Variants in APOB observed in about 807,000 individuals in gnomAD.
APOB encodes the protein apolipoprotein B-100.
In APOB, 153 loss-of-function variants were observed where a neutral mutation model predicts 314.1. The observed-to-expected ratio is 0.49, with a 90% confidence interval of 0.43 to 0.56. The LOEUF (loss-of-function observed/expected upper bound fraction) is 0.56. Among genes scored for constraint, APOB ranks in the 20% least tolerant of loss-of-function variants. APOB has a pLI of 0.00. For missense variants in APOB, 5,430 were observed against 5,350.7 expected, an observed-to-expected ratio of 1.01 and a Z score of -0.46; for synonymous variants, 2,087 against 2,036.4, an observed-to-expected ratio of 1.02 and a Z score of -0.67.
Position 21,007,468 on chromosome 2 carries a change from C to A in APOB, c.9400G>T (p.Glu3134Ter). 6.2e-7 allele frequency: 1 copy of A among 1,614,086 alleles called. No homozygotes were observed. The highest frequency in any genetic ancestry group is 8.5e-7 in the Non-Finnish European group (1 of 1,179,968). The change falls in exon 26 of 29, where the codon GAA becomes TAA. Residue 3134 changes from glutamate to a stop codon, truncating the protein, a stop_gained. Coordinates refer to ENST00000233242, the MANE Select transcript of APOB (RefSeq NM_000384.3). LOFTEE classifies it high-confidence loss of function. Reference sequence around the variant, plus strand: ...ATTATTGTGTAAGGTAGACGCATTTCAGGAATTGTTAAAGGAATGTTTAAG... The same window carrying A: ...ATTATTGTGTAAGGTAGACGCATTTAAGGAATTGTTAAAGGAATGTTTAAG... ...DFLNIPLTIPEMRLPYTIITT... is the reference protein window; with the variant it reads ...DFLNIPLTIP
chr2:21,027,306 ATTTT>A (rs71391771), intron 14 of APOB, among the ~76,000 whole-genome samples: 5 of 105,878 alleles, frequency 4.7e-5, no homozygotes, highest in Non-Finnish European at 5.6e-5. Flanking sequence ...TTGCATTTCA[ATTTT>A]TTTTTTTTTT....
intron 11 of APOB, 32 bp from the exon 12 acceptor site, chr2:21,029,817 A>G (rs542841901): frequency 1.9e-6 from 3 of 1,613,716 alleles, no homozygotes; most frequent in African/African-American, 2.7e-5. Flanking sequence ...AGAACCCATC[A>G]GGGTGCAGGA....
In APOB at chr2:21,016,661, T is replaced by C. The variant is rs779331945; in HGVS notation, c.3122-12A>G. On this transcript the variant is annotated splice_polypyrimidine_tract_variant and intron_variant, in intron 20 of 28. Coordinates refer to ENST00000233242, the MANE Select transcript of APOB (RefSeq NM_000384.3). ...AGTCTGCTTCGCACCTGGACGAGTG[T>C]ATAAGAGAATCAAGAGATGTGTGGT... is the stretch of plus-strand genomic sequence containing the variant. 10 of 1,547,752 alleles carry C rather than the reference T, an allele frequency of 6.5e-6. No homozygotes were observed. The highest frequency in any genetic ancestry group is 8.9e-6 in the Non-Finnish European group (10 of 1,119,490).
intron 18 of APOB, among the ~76,000 whole-genome samples, chr2:21,021,804 T>C (rs1663612571): frequency 6.6e-6 from 1 of 152,232 alleles, no homozygotes; most frequent in South Asian, 2.1e-4. Flanking sequence ...TAAAATTTCA[T>C]GGTACTCTAA....
At position 21,006,364 on chromosome 2, in the gene APOB, C is replaced by G. The variant is rs751352552; in HGVS notation, c.10504G>C (p.Gly3502Arg). The change falls in exon 26 of 29, where the codon GGT becomes CGT. Residue 3502 changes from glycine to arginine, a missense_variant. Transcript: ENST00000233242. ...GAATATTCCCGAGAAAGAACCGAAC[C>G]CTTGACATCTCCTTTGGTAGATGAC... is the stretch of plus-strand genomic sequence containing the variant. ...IESSTKGDVK[G>R]SVLSREYSGT... 6.2e-7 allele frequency: 1 copy of G among 1,613,808 alleles called. No individual in the cohort carries two copies. The highest frequency in any genetic ancestry group is 1.3e-5 in the African/African-American group (1 of 74,872).
chr2:21,034,986 C>T (rs1171210138), intron 7 of APOB, 85 bp from the exon 8 acceptor site: 1 of 801,178 alleles, frequency 1.2e-6, no homozygotes, highest in Non-Finnish European at 2.3e-6. Flanking sequence ...GTCTCTGCAT[C>T]TACCCAAGTC....
In APOB at chr2:21,037,155, T is replaced by A. The variant is rs370711366; in HGVS notation, c.638A>T (p.Asp213Val). The A allele has an allele frequency of 3.2e-5, 51 of 1,614,116 alleles. No homozygotes were observed. The highest frequency in any genetic ancestry group is 4.2e-5 in the Non-Finnish European group (49 of 1,180,046). Reference sequence around the variant, plus strand: ...GCCTGTGCGGATGGGCTTGAAGCGATCACACTGCCCCAGGTCTCTTTCAGT... The same window carrying A: ...GCCTGTGCGGATGGGCTTGAAGCGAACACACTGCCCCAGGTCTCTTTCAGT... Reference protein sequence around the residue: ...ISTERDLGQCDRFKPIRTGIS... With the variant: ...ISTERDLGQCVRFKPIRTGIS... Residue 213 changes from aspartate to valine, a missense_variant, in exon 6 of 29, where the codon GAT (aspartate) becomes GTT (valine). By Grantham distance (152) the Asp-to-Val change is radical. Around this residue, in one of 3 missense-constraint regions of APOB, gnomAD observed 2,085 missense variants for 2,079.7 expected, o/e 1.00. Coordinates refer to ENST00000233242, the MANE Select transcript of APOB (RefSeq NM_000384.3).
chr2:21,022,015 G>C (rs1663618443), intron 18 of APOB, among the ~76,000 whole-genome samples: 1 of 152,152 alleles, frequency 6.6e-6, no homozygotes, highest in Admixed American at 6.5e-5. Flanking sequence ...GAGTGCAGTG[G>C]TGCAAGCATG....
chr2:21,027,573 A>G (rs555261818), intron 14 of APOB, among the ~76,000 whole-genome samples: 1 of 152,272 alleles, frequency 6.6e-6, no homozygotes, highest in Admixed American at 6.5e-5. Flanking sequence ...TCGGCCTCCC[A>G]AAGTGCTGGG....
In APOB at chr2:21,007,791, T is replaced by A. The variant is rs770981667; in HGVS notation, c.9077A>T (p.Asn3026Ile). The stretch of plus-strand genomic sequence containing the variant: ...TTTCAAAGTTCCAATAACCTTTCCA[T>A]TTAAATGAGCATCATGCCTCCCAGT... The part of the protein sequence containing the change: ...EFTGRHDAHL[N>I]GKVIGTLKNS... Residue 3026 changes from asparagine to isoleucine, a missense_variant, in exon 26 of 29, where the codon AAT (asparagine) becomes ATT (isoleucine). Transcript: ENST00000233242. 2.7e-5 allele frequency: 43 copies of A among 1,613,978 alleles called. No homozygotes were observed. Among genetic ancestry groups the A allele is most frequent in the African/African-American group, 4.0e-5 (3 of 74,938 alleles).
At chr2:21,041,110 G>A (rs1664122639) in intron 3 of APOB, 27 bp from the exon 4 acceptor site, 1 of 1,606,280 alleles carries the variant, frequency 6.2e-7, no homozygotes, top group Non-Finnish European at 8.5e-7. Flanking sequence ...GCAGAGCATT[G>A]AGGTTGTCTA....
intron 3 of APOB, among the ~76,000 whole-genome samples, chr2:21,041,687 C>A (rs1287967571): frequency 6.6e-6 from 1 of 152,178 alleles, no homozygotes; most frequent in Admixed American, 6.5e-5. Context: ...GCTAATGTGA[C>A]AACGAATATG....
At position 21,011,139 on chromosome 2, in the gene APOB, T is replaced by C; in HGVS notation, c.5729A>G (p.His1910Arg). Residue 1910 changes from histidine to arginine, a missense_variant, in exon 26 of 29, where the codon CAT becomes CGT. By Grantham distance (29) the His-to-Arg change is conservative. Coordinates refer to ENST00000233242, the MANE Select transcript of APOB (RefSeq NM_000384.3). ...AGCGAGTTTCCCATTGCCATTTGTA[T>C]GTGCATCGATGGTCATGGTAAACGG... is the stretch of plus-strand genomic sequence containing the variant. ...MAPFTMTIDA[H>R]TNGNGKLALW... The C allele has an allele frequency of 6.2e-7, 1 of 1,614,234 alleles. No homozygotes were observed. The highest frequency in any genetic ancestry group is 8.5e-7 in the Non-Finnish European group (1 of 1,180,034).
At chr2:21,043,286 C>G (rs1208222367) in intron 2 of APOB, among the ~76,000 whole-genome samples, 1 of 152,068 alleles carries the variant, frequency 6.6e-6, no homozygotes, top group African/African-American at 2.4e-5. Flanking sequence ...TCCCTTCCCT[C>G]CCCCGCCCCC....
chr2:21,017,106 C>T lies in APOB; in HGVS notation c.3122-457G>A, dbSNP rs543910611. Among the ~76,000 whole-genome samples the T allele has an allele frequency of 1.3e-4, 20 of 151,936 alleles. No homozygotes were observed. The South Asian group carries it at 4.2e-3, about 32-fold the overall frequency. On this transcript the variant is annotated intron_variant, in intron 20 of 28. Transcript: ENST00000233242. ...AGAGAAACTCCAAGGAATCAATGTG[C>T]TTAAACAAAAACACAGTTCAGGATT...
rs771182405 is a variant in APOB at position 21,015,255 on chromosome 2, C to T, written c.3514G>A (p.Glu1172Lys). ...GTGTTCCATTCAAATTCAATCTTCT[C>T]TTCATCTGAAAATACGTAGGAAATA... ...SKRVAWHYDE[E>K]KIEFEWNTGT... Residue 1172 changes from glutamate to lysine, a missense_variant, in exon 23 of 29, where the codon GAG becomes AAG. Around this residue, in one of 3 missense-constraint regions of APOB, gnomAD observed 2,085 missense variants for 2,079.7 expected, o/e 1.00. Coordinates refer to ENST00000233242, the MANE Select transcript of APOB (RefSeq NM_000384.3). 2 of 1,614,166 alleles carry T rather than the reference C, an allele frequency of 1.2e-6. No homozygotes were observed. Among genetic ancestry groups the T allele is most frequent in the Non-Finnish European group, 1.7e-6 (2 of 1,180,016 alleles).
chr2:21,028,192 G>T, intron 13 of APOB, 127 bp from the exon 14 acceptor site: 1 of 1,136,198 alleles, frequency 8.8e-7, no homozygotes, highest in Non-Finnish European at 1.3e-6. Flanking sequence ...CTAAGTCTTT[G>T]GGTCTAGATC....
chr2:21,033,254 G>A (rs1214700216), intron 9 of APOB, 45 bp downstream of exon 9: 6 of 1,506,050 alleles, frequency 4.0e-6, no homozygotes, highest in Non-Finnish European at 5.5e-6. Context: ...AGTTCAGTCA[G>A]TTACCATCAG....
At chr2:21,034,702 T>G (rs542270459) in intron 8 of APOB, 114 bp downstream of exon 8, 55 of 771,256 alleles carry the variant, frequency 7.1e-5, no homozygotes, top group Admixed American at 1.2e-4. Flanking sequence ...AGAACACCAG[T>G]GTCTGTATCA....
Sources: allele counts gnomAD v4.1 joint callset (sites outside exome capture counted in the v4.1 genomes callset), GRCh38; gene constraint gnomAD v4.1.1; regional missense constraint gnomAD v4.1.1; transcripts MANE v1.5; gene names NCBI Gene and HGNC (gene_info 2026-07-23, HGNC 2026-07-21).